The following PABPC4L variants were observed in gnomAD, a reference collection of about 807,000 sequenced individuals.
PABPC4L encodes the protein poly(A) binding protein cytoplasmic 4 like.
For missense variants in PABPC4L, 452 were observed against 451.4 expected, an observed-to-expected ratio of 1.00 and a Z score of -0.01; for synonymous variants, 169 against 164.1, an observed-to-expected ratio of 1.03 and a Z score of -0.23.
At chr4:133,972,482 C>A in the PABPC4L span, among the ~76,000 whole-genome samples, 6 of 152,244 alleles carry the variant, frequency 3.9e-5, no homozygotes, top group Middle Eastern at 3.4e-3. Context: ...TCACTCAAGA[C>A]TCTCAGATGA....
chr4:134,199,721 A>T lies in PABPC4L; in HGVS notation c.*186T>A. ...AAAATGTGCCTCTGTAAAATGAACT[A>T]AGCTCCATCTATTTTTCCACAAAAG... On this transcript the variant is annotated 3_prime_UTR_variant, in exon 2 of 2. Transcript: ENST00000421491. The T allele has an allele frequency of 1.5e-6, 1 of 673,036 alleles. No individual in the cohort carries two copies. The highest frequency in any genetic ancestry group is 2.4e-6 in the Non-Finnish European group (1 of 421,720). The allele number at this position is 673,036 out of a possible 1,614,324, so 41.7% of individuals were successfully genotyped here. A position where few individuals can be genotyped will look rare whatever the true frequency, so the allele number is the denominator to read the frequency against.
the PABPC4L span, among the ~76,000 whole-genome samples, chr4:134,165,776 C>A: frequency 6.6e-6 from 1 of 152,004 alleles, no homozygotes; most frequent in African/African-American, 2.4e-5. Flanking sequence ...CCAGCAATCC[C>A]TCTACTGGGT....
the PABPC4L span, among the ~76,000 whole-genome samples, chr4:133,980,797 C>T: frequency 6.6e-6 from 1 of 152,082 alleles, no homozygotes; most frequent in African/African-American, 2.4e-5. Context: ...TGTAGCTAGC[C>T]TCGAAATATC....
chr4:133,972,373 T>C, the PABPC4L span, among the ~76,000 whole-genome samples: 1 of 152,176 alleles, frequency 6.6e-6, no homozygotes, highest in East Asian at 1.9e-4. Context: ...AATTATTTCC[T>C]TGGACAGATA....
chr4:134,025,372 G>A, the PABPC4L span, among the ~76,000 whole-genome samples: 2 of 150,108 alleles, frequency 1.3e-5, no homozygotes, highest in Non-Finnish European at 3.0e-5. Context: ...ACTATGACAG[G>A]CCTACACTAG....
chr4:133,969,302 C>T, the PABPC4L span, among the ~76,000 whole-genome samples: 1 of 152,080 alleles, frequency 6.6e-6, no homozygotes, highest in Non-Finnish European at 1.5e-5. Flanking sequence ...ATGAAATTGT[C>T]TAGATAAAGA....
the PABPC4L span, among the ~76,000 whole-genome samples, chr4:134,024,770 C>T: frequency 6.7e-6 from 1 of 148,206 alleles, no homozygotes; most frequent in East Asian, 2.0e-4. Context: ...TCTTATTGAA[C>T]ATGAACTTTT....
At chr4:134,036,594 T>C in the PABPC4L span, among the ~76,000 whole-genome samples, 1 of 152,116 alleles carries the variant, frequency 6.6e-6, no homozygotes, top group African/African-American at 2.4e-5. Flanking sequence ...TATCTAGGTT[T>C]TAATCTCCAT....
At chr4:134,151,832 A>G in the PABPC4L span, among the ~76,000 whole-genome samples, 3 of 151,878 alleles carry the variant, frequency 2.0e-5, no homozygotes, top group African/African-American at 7.2e-5. Context: ...AAAAATATGT[A>G]AAATGGTAAG....
At chr4:133,959,624 A>G in the PABPC4L span, among the ~76,000 whole-genome samples, 1 of 152,352 alleles carries the variant, frequency 6.6e-6, no homozygotes, top group African/African-American at 2.4e-5. Context: ...GGCCATGTTT[A>G]AAAGACTAGG....
the PABPC4L span, among the ~76,000 whole-genome samples, chr4:134,150,469 A>C: frequency 2.0e-5 from 3 of 152,146 alleles, no homozygotes; most frequent in Admixed American, 6.6e-5. Context: ...TGTAGTATTA[A>C]TTTCTACTTC....
the PABPC4L span, among the ~76,000 whole-genome samples, chr4:133,991,449 C>T: frequency 6.6e-6 from 1 of 152,140 alleles, no homozygotes; most frequent in Non-Finnish European, 1.5e-5. Flanking sequence ...AATGCCAGTG[C>T]ATCTTGCCGC....
At chr4:134,088,990 A>C in the PABPC4L span, among the ~76,000 whole-genome samples, 1 of 152,236 alleles carries the variant, frequency 6.6e-6, no homozygotes, top group Admixed American at 6.5e-5. Context: ...GTAATAATGT[A>C]TATAAGTGAT....
the PABPC4L span, among the ~76,000 whole-genome samples, chr4:133,999,128 C>T: frequency 6.6e-6 from 1 of 152,046 alleles, no homozygotes; most frequent in South Asian, 2.1e-4. Flanking sequence ...CTGTTCCACA[C>T]ATATTACATC....
the PABPC4L span, among the ~76,000 whole-genome samples, chr4:134,105,182 T>C: frequency 6.6e-6 from 1 of 151,624 alleles, no homozygotes; most frequent in Non-Finnish European, 1.5e-5. Context: ...CAAATGCAAA[T>C]ATCATCAGAT....
chr4:133,962,510 A>T, the PABPC4L span, among the ~76,000 whole-genome samples: 1 of 152,352 alleles, frequency 6.6e-6, no homozygotes, highest in South Asian at 2.1e-4. Context: ...TCAGCAATAG[A>T]ATTCAACAAG....
the PABPC4L span, among the ~76,000 whole-genome samples, chr4:134,087,892 G>C: frequency 1.3e-5 from 2 of 151,868 alleles, no homozygotes; most frequent in African/African-American, 4.8e-5. Context: ...TACATTCTAC[G>C]TTAATACATC....
chr4:134,176,863 C>A, the PABPC4L span, among the ~76,000 whole-genome samples: 1 of 152,124 alleles, frequency 6.6e-6, no homozygotes, highest in Non-Finnish European at 1.5e-5. Flanking sequence ...ACCCCCACTG[C>A]ACTTCTAAAC....
the PABPC4L span, among the ~76,000 whole-genome samples, chr4:134,090,896 G>T: frequency 5.3e-5 from 8 of 151,906 alleles, no homozygotes; most frequent in Non-Finnish European, 8.8e-5. Flanking sequence ...ATTTTCTATT[G>T]CATTTCCATA....
Sources: gnomAD v4.1 joint callset for allele counts (sites outside exome capture counted in the v4.1 genomes callset) on GRCh38, gnomAD v4.1.1 for gene constraint, MANE v1.5 for transcripts, NCBI Gene and HGNC (gene_info 2026-07-23, HGNC 2026-07-21) for gene names.